FAM177B: variants seen among roughly 807,000 people sequenced by gnomAD.
FAM177B encodes the protein protein FAM177B.
FAM177B carries 16 observed loss-of-function variants against 16.1 expected under a neutral mutation model. The observed-to-expected ratio is 0.99, with a 90% CI of 0.67 to 1.51. The LOEUF is 1.51. Among genes scored for constraint, FAM177B ranks in the 40% most tolerant of loss-of-function variants. The pLI is 0.00. For missense variants in FAM177B, 178 were observed against 183.7 expected, an observed-to-expected ratio of 0.97 and a Z score of 0.18; for synonymous variants, 56 against 59.9, an observed-to-expected ratio of 0.93 and a Z score of 0.30.
intron 2 of FAM177B, among the ~76,000 whole-genome samples, chr1:222,738,994 G>A (rs1231804253): frequency 6.6e-6 from 1 of 152,136 alleles, no homozygotes; most frequent in Non-Finnish European, 1.5e-5. Context: ...AGATGTATAT[G>A]GCTATTAATG....
At chr1:222,744,199 G>T (rs1434029362) in intron 2 of FAM177B, among the ~76,000 whole-genome samples, 2 of 152,166 alleles carry the variant, frequency 1.3e-5, no homozygotes, top group African/African-American at 2.4e-5. Flanking sequence ...GGCCAGGCAT[G>T]GTGGCTCACG....
At chr1:222,749,427 G>A in intron 4 of FAM177B, 38 bp from the exon 5 acceptor site, 1 of 1,196,162 alleles carries the variant, frequency 8.4e-7, no homozygotes, top group South Asian at 1.3e-5. Context: ...GCTTTAGTTA[G>A]TAATTCAGTT....
At chr1:222,739,128 C>T (rs1210309084) in intron 2 of FAM177B, among the ~76,000 whole-genome samples, 1 of 152,110 alleles carries the variant, frequency 6.6e-6, no homozygotes, top group Non-Finnish European at 1.5e-5. Context: ...GCGTATGTTT[C>T]ATTTGGTTTG....
chr1:222,738,564 C>CAAAAAAAAAAAAAAAAA lies in FAM177B; in HGVS notation c.-16+544_-16+560dup, dbSNP rs71175182. On this transcript the variant is annotated intron_variant, in intron 2 of 5. Coordinates refer to ENST00000445590, the MANE Select transcript of FAM177B (RefSeq NM_001394345.1). ...GGAGACTCCGTCTCTACAAAAACTG[C>CAAAAAAAAAAAAAAAAA]AAAAAAAAAAAAAAAAAGGCTGGGC... Among the ~76,000 whole-genome samples, 6 of 61,842 alleles carry CAAAAAAAAAAAAAAAAA rather than the reference C, an allele frequency of 9.7e-5. 1 individual carries two copies. Among genetic ancestry groups the CAAAAAAAAAAAAAAAAA allele is most frequent in the Non-Finnish European group, 1.8e-4 (6 of 33,954 alleles). The allele number at this position is 61,842 out of a possible 152,430, so 40.6% of individuals were successfully genotyped here. A position where few individuals can be genotyped will look rare whatever the true frequency, so the allele number is the denominator to read the frequency against.
intron 2 of FAM177B, among the ~76,000 whole-genome samples, chr1:222,741,194 G>A (rs1436957464): frequency 2.7e-5 from 4 of 150,934 alleles, no homozygotes; most frequent in African/African-American, 4.9e-5. Context: ...GAGTAGCTGC[G>A]ACTACAGGCA....
chr1:222,737,988 T>C lies in FAM177B; in HGVS notation c.-49T>C, dbSNP rs1658357080. The C allele has an allele frequency of 6.6e-6, 1 of 152,178 alleles. No homozygotes were observed. Among genetic ancestry groups the C allele is most frequent in the Non-Finnish European group, 1.5e-5 (1 of 68,040 alleles). The allele number at this position is 152,178 out of a possible 1,614,324, so 9.4% of individuals were successfully genotyped here. A position where few individuals can be genotyped will look rare whatever the true frequency, so the allele number is the denominator to read the frequency against. On this transcript the variant is annotated 5_prime_UTR_variant, in exon 2 of 6. Transcript: ENST00000445590. ...GCAACTGGAAGAACAGAGTTGCCAT[T>C]TATTGAGATGAGAAGGCTGCCAGAA...
intron 4 of FAM177B, 149 bp downstream of exon 4, chr1:222,747,230 C>T: frequency 4.9e-6 from 3 of 611,960 alleles, no homozygotes; most frequent in South Asian, 4.2e-5. Context: ...CCCAAAGGCA[C>T]AGAACTTCGC....
intron 2 of FAM177B, among the ~76,000 whole-genome samples, chr1:222,741,857 CCTTT>C (rs1321395265): frequency 3.6e-4 from 51 of 140,714 alleles, no homozygotes; most frequent in African/African-American, 1.2e-3. Flanking sequence ...TTCCTTCCTT[CCTTT>C]CTTCTTTCTT....
At chr1:222,744,539 C>T (rs1415104763) in intron 2 of FAM177B, among the ~76,000 whole-genome samples, 5 of 150,996 alleles carry the variant, frequency 3.3e-5, no homozygotes, top group Admixed American at 6.6e-5. Flanking sequence ...TACTGCCTGA[C>T]ATATACACTG....
At chr1:222,743,327 G>T (rs1001893707) in intron 2 of FAM177B, among the ~76,000 whole-genome samples, 14 of 142,894 alleles carry the variant, frequency 9.8e-5, no homozygotes, top group Non-Finnish European at 1.1e-4. Flanking sequence ...TTTGTGTTTT[G>T]TTTTTTTTTT....
Position 222,750,176 on chromosome 1 carries a change from A to C in FAM177B, c.*118A>C, listed in dbSNP as rs1222259804. ...TTACCATGGCAACAACACCAGAGGT[A>C]GCACTTCTGAGCCAGATCTGATCCT... On this transcript the variant is annotated 3_prime_UTR_variant, in exon 6 of 6. Coordinates refer to ENST00000445590, the MANE Select transcript of FAM177B (RefSeq NM_001394345.1). The C allele has an allele frequency of 2.1e-5, 31 of 1,500,964 alleles. No individual in the cohort carries two copies. Among genetic ancestry groups the C allele is most frequent in the African/African-American group, 2.8e-5 (2 of 71,516 alleles). 93.0% of individuals were successfully genotyped at this position (1,500,964 alleles called of 1,614,324 possible). A position where few individuals can be genotyped will look rare whatever the true frequency, so the allele number is the denominator to read the frequency against.
intron 4 of FAM177B, chr1:222,749,051 T>G (rs1332518900): frequency 6.4e-6 from 3 of 472,196 alleles, no homozygotes; most frequent in Non-Finnish European, 1.3e-5. Flanking sequence ...ATGGAAGAAT[T>G]CCTGATGTGG....
At chr1:222,737,875 C>G (rs1341482609) in intron 1 of FAM177B, 29 bp from the exon 2 acceptor site, 2 of 152,068 alleles carry the variant, frequency 1.3e-5, no homozygotes, top group Non-Finnish European at 2.9e-5. Flanking sequence ...AGTATGATTC[C>G]AGAAATATCC....
At chr1:222,743,659 A>G (rs1658653245) in intron 2 of FAM177B, among the ~76,000 whole-genome samples, 1 of 152,022 alleles carries the variant, frequency 6.6e-6, no homozygotes, top group East Asian at 1.9e-4. Flanking sequence ...GGTTTCCAAT[A>G]TTTTTTAGGT....
chr1:222,741,756 C>A (rs1269096450), intron 2 of FAM177B, among the ~76,000 whole-genome samples: 1 of 124,604 alleles, frequency 8.0e-6, no homozygotes, highest in Non-Finnish European at 1.6e-5. Context: ...TCCTTTCTTT[C>A]TTTCTTTTTC....
At chr1:222,746,791 A>G in intron 3 of FAM177B, 72 bp downstream of exon 3, 1 of 1,311,206 alleles carries the variant, frequency 7.6e-7, no homozygotes, top group Non-Finnish European at 1.1e-6. Flanking sequence ...TGAGCCAGAC[A>G]AGGTTTATAG....
At chr1:222,746,270 T>C (rs181747278) in intron 2 of FAM177B, among the ~76,000 whole-genome samples, 3 of 152,358 alleles carry the variant, frequency 2.0e-5, no homozygotes, top group Non-Finnish European at 4.4e-5. Flanking sequence ...TACTAGCAAT[T>C]GTGTGTTTTA....
intron 4 of FAM177B, 56 bp downstream of exon 4, chr1:222,747,137 G>A (rs554853891): frequency 1.7e-6 from 2 of 1,176,130 alleles, no homozygotes; most frequent in East Asian, 4.7e-5. Context: ...ATATCGATAG[G>A]CCCTCAGAGT....
chr1:222,743,741 C>A (rs762650429), intron 2 of FAM177B, among the ~76,000 whole-genome samples: 1 of 152,096 alleles, frequency 6.6e-6, no homozygotes, highest in Non-Finnish European at 1.5e-5. Flanking sequence ...GGTAGATTTT[C>A]CTGTCCATAT....
Sources: allele counts gnomAD v4.1 joint callset (sites outside exome capture counted in the v4.1 genomes callset), GRCh38; gene constraint gnomAD v4.1.1; transcripts MANE v1.5; gene names NCBI Gene and HGNC (gene_info 2026-07-23, HGNC 2026-07-21).